Variants in STRBP observed in about 807,000 individuals in gnomAD.
STRBP encodes spermatid perinuclear RNA binding protein.
STRBP carries 13 observed loss-of-function variants against 80.1 expected under a neutral mutation model. The observed-to-expected ratio is 0.16, with a 90% CI of 0.11 to 0.26. The LOEUF (loss-of-function observed/expected upper bound fraction) is 0.26. Ranked by LOEUF, STRBP falls within the 10% of genes least tolerant of loss-of-function variation. The pLI is 1.00. For missense variants in STRBP, 485 were observed against 815.2 expected, an observed-to-expected ratio of 0.59 and a Z score of 4.93; for synonymous variants, 284 against 291.2, an observed-to-expected ratio of 0.98 and a Z score of 0.25.
chr9:123,206,919 T>G (rs1471598348), intron 2 of STRBP, among the ~76,000 whole-genome samples: 2 of 152,200 alleles, frequency 1.3e-5, no homozygotes, highest in Non-Finnish European at 2.9e-5. Flanking sequence ...ATTACAGGCA[T>G]GAGCCACCGC....
chr9:123,130,286 A>T (rs1186726899), intron 17 of STRBP, among the ~76,000 whole-genome samples: 3 of 152,178 alleles, frequency 2.0e-5, no homozygotes, highest in African/African-American at 7.2e-5. Context: ...ATACTGTGCA[A>T]ATGGTATATA....
intron 12 of STRBP, 75 bp from the exon 13 acceptor site, chr9:123,147,129 G>C: frequency 7.4e-7 from 1 of 1,347,108 alleles, no homozygotes; most frequent in Non-Finnish European, 1.0e-6. Flanking sequence ...GGGGTTCCTA[G>C]TAACTACTGT....
At chr9:123,147,235 T>C (rs752634818) in intron 12 of STRBP, among the ~76,000 whole-genome samples, 181 bp from the exon 13 acceptor site, 3 of 152,190 alleles carry the variant, frequency 2.0e-5, no homozygotes, top group Non-Finnish European at 4.4e-5. Flanking sequence ...ACTATAAAAA[T>C]TGTATGCATT....
chr9:123,244,142 T>A (rs1018473252), intron 1 of STRBP, among the ~76,000 whole-genome samples: 18 of 152,202 alleles, frequency 1.2e-4, no homozygotes, highest in African/African-American at 4.3e-4. Context: ...GTAAGAGTTA[T>A]CAAGCCATGT....
At chr9:123,140,452 G>A (rs1303622176) in intron 13 of STRBP, among the ~76,000 whole-genome samples, 2 of 152,080 alleles carry the variant, frequency 1.3e-5, no homozygotes, top group Admixed American at 6.5e-5. Flanking sequence ...AAATTAGCTG[G>A]GTGTGGCGGT....
intron 5 of STRBP, among the ~76,000 whole-genome samples, chr9:123,173,321 G>A (rs978053474): frequency 3.9e-5 from 6 of 152,162 alleles, no homozygotes; most frequent in Admixed American, 3.3e-4. Context: ...TCGCTAGAAA[G>A]TATCTAGGCT....
intron 11 of STRBP, 67 bp from the exon 12 acceptor site, chr9:123,147,937 CT>C (rs1183951736): frequency 1.5e-6 from 2 of 1,317,920 alleles, no homozygotes; most frequent in Non-Finnish European, 2.1e-6. Context: ...CCATATGTAT[CT>C]AACATGTTCA....
chr9:123,256,811 G>T (rs930094875), intron 1 of STRBP, among the ~76,000 whole-genome samples: 4 of 151,906 alleles, frequency 2.6e-5, no homozygotes, highest in Non-Finnish European at 5.9e-5. Flanking sequence ...CTTCAGATAT[G>T]GAGGAAACCA....
chr9:123,178,922 C>A, intron 4 of STRBP, 85 bp downstream of exon 4: 1 of 1,302,262 alleles, frequency 7.7e-7, no homozygotes, highest in Non-Finnish European at 1.1e-6. Context: ...ATCCAAAAAA[C>A]AGCATAACAC....
rs1398754912 is a variant in STRBP at position 123,160,421 on chromosome 9, G to A, written c.669C>T (p.Arg223=). ...CTCTGTTGCACAAATCACGCAGAAT[G>A]CGGAGGACAATTACACATGATTTTA... ...NGLKSCVIVL[R]ILRDLCNRVP... is the part of the protein sequence containing the mutation. The change falls in exon 8 of 19, where the codon CGC becomes CGT. Residue 223 remains arginine (R), a synonymous_variant. Coordinates refer to ENST00000348403, the MANE Select transcript of STRBP (RefSeq NM_018387.5). 1 of 1,605,756 alleles carries A rather than the reference G, an allele frequency of 6.2e-7. No homozygotes were observed. Among genetic ancestry groups the A allele is most frequent in the Admixed American group, 1.7e-5 (1 of 59,816 alleles).
At chr9:123,139,417 TTA>T in intron 14 of STRBP, 110 bp downstream of exon 14, 1 of 861,206 alleles carries the variant, frequency 1.2e-6, no homozygotes, top group Non-Finnish European at 1.6e-6. Flanking sequence ...TCTCTGTAAT[TTA>T]TGTACAGGTT....
intron 2 of STRBP, among the ~76,000 whole-genome samples, chr9:123,194,043 C>T (rs2039013584): frequency 6.6e-6 from 1 of 152,066 alleles, no homozygotes; most frequent in African/African-American, 2.4e-5. Context: ...ATTTGGGACC[C>T]TGGAATGCAA....
intron 2 of STRBP, among the ~76,000 whole-genome samples, chr9:123,192,387 T>C (rs1469329748): frequency 6.6e-6 from 1 of 152,184 alleles, no homozygotes; most frequent in Non-Finnish European, 1.5e-5. Context: ...AAAATGAGAC[T>C]GTGCTATTTG....
chr9:123,218,183 T>TA lies in STRBP; in HGVS notation c.-165+18646dup, dbSNP rs1284785071. Among the ~76,000 whole-genome samples, 3 of 152,160 alleles carry TA rather than the reference T, an allele frequency of 2.0e-5. No homozygotes were observed. In the East Asian group the frequency reaches 5.8e-4, roughly 29 times the overall value. Reference sequence around the variant, plus strand: ...ATTACCTCCTTCTCTCTCTTCTTACTACACATTCTTAGCATAGAATGTTTT... The same window carrying TA: ...ATTACCTCCTTCTCTCTCTTCTTACTAACACATTCTTAGCATAGAATGTTTT... On this transcript the variant is annotated intron_variant, in intron 2 of 18. Coordinates refer to ENST00000348403, the MANE Select transcript of STRBP (RefSeq NM_018387.5).
chr9:123,203,436 T>C (rs546110789), intron 2 of STRBP, among the ~76,000 whole-genome samples: 1 of 152,292 alleles, frequency 6.6e-6, no homozygotes, highest in Admixed American at 6.5e-5. Context: ...GAGTAAATAC[T>C]TCACAATAAT....
chr9:123,263,417 C>T (rs2041198898), intron 1 of STRBP, among the ~76,000 whole-genome samples: 4 of 148,614 alleles, frequency 2.7e-5, no homozygotes, highest in Admixed American at 6.9e-5. Context: ...CCCAGCTACT[C>T]GAGATGCTAA....
At chr9:123,192,005 C>T (rs1257799093) in intron 2 of STRBP, among the ~76,000 whole-genome samples, 1 of 152,174 alleles carries the variant, frequency 6.6e-6, no homozygotes, top group Non-Finnish European at 1.5e-5. Context: ...AAAGCCACAG[C>T]ATTTCGAATA....
intron 2 of STRBP, among the ~76,000 whole-genome samples, chr9:123,234,200 CAAAAAAAAA>C (rs59309974): frequency 2.8e-5 from 2 of 72,282 alleles, no homozygotes; most frequent in African/African-American, 4.6e-5. Flanking sequence ...GACGCCGTGT[CAAAAAAAAA>C]AAAAAAAAAA....
rs148415085 is a variant in STRBP, at chr9:123,161,036, A to G, written c.568T>C (p.Leu190=). ...GCGTTCAGGCATTTCTGCCTGTCCA[A>G]TAAGTCCGGAGGATCTTTCATCGAA... is the stretch of plus-strand genomic sequence containing the variant. The part of the protein sequence containing the change: ...NVSMKDPPDL[L]DRQKCLNALA... Residue 190 remains leucine, a synonymous_variant, in exon 7 of 19, where the codon TTG becomes CTG. Coordinates refer to ENST00000348403, the MANE Select transcript of STRBP (RefSeq NM_018387.5). The G allele has an allele frequency of 2.0e-5, 32 of 1,599,128 alleles. No individual in the cohort carries two copies. Among genetic ancestry groups the G allele is most frequent in the Middle Eastern group, 1.7e-4 (1 of 6,038 alleles).
Sources: gnomAD v4.1 joint callset for allele counts (sites outside exome capture counted in the v4.1 genomes callset) on GRCh38, gnomAD v4.1.1 for gene constraint, MANE v1.5 for transcripts, NCBI Gene and HGNC (gene_info 2026-07-23, HGNC 2026-07-21) for gene names.